Variants in SGMS1 observed in about 807,000 individuals in gnomAD.
SGMS1 encodes phosphatidylcholine:ceramide cholinephosphotransferase 1.
Under a neutral mutation model 46.2 loss-of-function variants are expected in SGMS1, and 13 were observed. That is an observed-to-expected ratio of 0.28 (90% CI 0.18 to 0.45). The LOEUF is 0.45. SGMS1 is among the 20% of genes least tolerant of loss of function. The pLI, the probability that SGMS1 is intolerant of heterozygous loss-of-function variation, is 1.00. For missense variants in SGMS1, 324 were observed against 519.9 expected, an observed-to-expected ratio of 0.62 and a Z score of 3.66; for synonymous variants, 203 against 187.8, an observed-to-expected ratio of 1.08 and a Z score of -0.66.
chr10:50,549,970 T>C (rs1838134715), intron 2 of SGMS1, among the ~76,000 whole-genome samples: 1 of 152,132 alleles, frequency 6.6e-6, no homozygotes, highest in African/African-American at 2.4e-5. Flanking sequence ...AACCACCATC[T>C]AAAAAAGATA....
At chr10:50,438,087 G>A (rs7099450) in intron 5 of SGMS1, among the ~76,000 whole-genome samples, 44,918 of 152,070 alleles carry the variant, frequency 0.3, 7,227 homozygotes, top group East Asian at 0.64. Flanking sequence ...TTAAGTAGGA[G>A]AATGGACAGA....
At chr10:50,360,804 T>C (rs1848234676) in intron 6 of SGMS1, among the ~76,000 whole-genome samples, 1 of 152,222 alleles carries the variant, frequency 6.6e-6, no homozygotes, top group Admixed American at 6.5e-5. Context: ...CTTCCTATCT[T>C]TTTCAAAATG....
chr10:50,511,983 C>T (rs900646899), intron 3 of SGMS1, among the ~76,000 whole-genome samples: 7 of 152,288 alleles, frequency 4.6e-5, no homozygotes, highest in African/African-American at 7.2e-5. Flanking sequence ...TCAGCTCCCA[C>T]GCACACAGTA....
At chr10:50,456,776 A>G (rs905042369) in intron 5 of SGMS1, among the ~76,000 whole-genome samples, 7 of 152,232 alleles carry the variant, frequency 4.6e-5, no homozygotes, top group African/African-American at 1.7e-4. Context: ...CCTGCAAATC[A>G]GGATTTGAGA....
intron 3 of SGMS1, among the ~76,000 whole-genome samples, chr10:50,470,815 A>G (rs1479897341): frequency 1.3e-5 from 2 of 152,186 alleles, no homozygotes; most frequent in African/African-American, 4.8e-5. Context: ...AAAACAAAAA[A>G]TAAAAAAGAC....
chr10:50,588,382 G>A (rs531484151), intron 2 of SGMS1, among the ~76,000 whole-genome samples: 29 of 152,270 alleles, frequency 1.9e-4, no homozygotes, highest in Middle Eastern at 3.4e-3. Context: ...GGAAGATACC[G>A]TAAATAAATA....
intron 7 of SGMS1, among the ~76,000 whole-genome samples, chr10:50,338,971 C>T (rs912612977): frequency 2.6e-5 from 4 of 152,190 alleles, no homozygotes; most frequent in African/African-American, 9.7e-5. Flanking sequence ...CTCTCAGCCT[C>T]AGGTGATCCA....
At chr10:50,359,524 AAATAT>A (rs1243665316) in intron 6 of SGMS1, among the ~76,000 whole-genome samples, 3 of 152,208 alleles carry the variant, frequency 2.0e-5, no homozygotes, top group African/African-American at 7.2e-5. Context: ...TGAGGATATG[AAATAT>A]AATACTGTTT....
intron 6 of SGMS1, among the ~76,000 whole-genome samples, chr10:50,345,482 C>A (rs1257728212): frequency 6.6e-6 from 1 of 151,980 alleles, no homozygotes; most frequent in East Asian, 1.9e-4. Flanking sequence ...GTGAAAATAA[C>A]CAAATGCACA....
rs1210446007 is a variant in SGMS1, at chr10:50,434,051, A to G, written c.-312-495T>C. 2.0e-5 allele frequency among the ~76,000 whole-genome samples: 3 copies of G among 152,238 alleles called. No homozygotes were observed. In the East Asian group the frequency reaches 5.8e-4, roughly 29 times the overall value. ...CCAACAAAGGCATTATACCAGAACT[A>G]TGGACACCTAATGCTTAATGATCAG... On this transcript the variant is annotated intron_variant, in intron 5 of 10. Transcript: ENST00000361781.
At chr10:50,374,436 C>A (rs1229740935) in intron 6 of SGMS1, among the ~76,000 whole-genome samples, 1 of 148,394 alleles carries the variant, frequency 6.7e-6, no homozygotes, top group African/African-American at 2.5e-5. Context: ...GTGCTCCCCC[C>A]ACCCCCACCC....
At chr10:50,330,531 G>A (rs1269227351) in intron 7 of SGMS1, among the ~76,000 whole-genome samples, 1 of 152,072 alleles carries the variant, frequency 6.6e-6, no homozygotes, top group Non-Finnish European at 1.5e-5. Flanking sequence ...TACTATAGTG[G>A]AAAGTAAAAC....
intron 5 of SGMS1, among the ~76,000 whole-genome samples, chr10:50,456,944 T>C (rs1410929580): frequency 1.3e-5 from 2 of 152,240 alleles, no homozygotes; most frequent in Admixed American, 6.5e-5. Flanking sequence ...GTCAGGTTCA[T>C]TGCATGATGT....
chr10:50,570,130 T>C (rs1688796223), intron 2 of SGMS1, among the ~76,000 whole-genome samples: 1 of 152,188 alleles, frequency 6.6e-6, no homozygotes, highest in African/African-American at 2.4e-5. Context: ...AGCTTCTTAT[T>C]CCCCGAGCAA....
At chr10:50,328,569 T>C (rs1847566331) in intron 7 of SGMS1, among the ~76,000 whole-genome samples, 1 of 152,230 alleles carries the variant, frequency 6.6e-6, no homozygotes. Flanking sequence ...CATACAATTA[T>C]ACTAGCATTT....
At chr10:50,570,592 A>T (rs10763550) in intron 2 of SGMS1, among the ~76,000 whole-genome samples, 31,535 of 152,132 alleles carry the variant, frequency 0.21, 4,298 homozygotes, top group East Asian at 0.64. Context: ...TGCCCTATTA[A>T]GGTCCTAATA....
At chr10:50,389,259 A>G (rs1848730875) in intron 6 of SGMS1, among the ~76,000 whole-genome samples, 1 of 152,220 alleles carries the variant, frequency 6.6e-6, no homozygotes, top group Non-Finnish European at 1.5e-5. Flanking sequence ...TTTTATGTTT[A>G]TAGTTTACCT....
chr10:50,624,638 A>ACCCGGAGAGCGGCTAGG, upstream of SGMS1: 1 of 985,314 alleles, frequency 1.0e-6, no homozygotes, highest in South Asian at 4.7e-5. Flanking sequence ...TGCGGCGAAA[A>ACCCGGAGAGCGGCTAGG]CCCGGAGAGC....
chr10:50,355,973 A>G (rs918806243), intron 6 of SGMS1, among the ~76,000 whole-genome samples: 1 of 151,282 alleles, frequency 6.6e-6, no homozygotes, highest in Non-Finnish European at 1.5e-5. Context: ...GCCCCGTCTG[A>G]GAAGTGAGGA....
Sources: gnomAD v4.1 joint callset for allele counts (sites outside exome capture counted in the v4.1 genomes callset) on GRCh38, gnomAD v4.1.1 for gene constraint, MANE v1.5 for transcripts, NCBI Gene and HGNC (gene_info 2026-07-23, HGNC 2026-07-21) for gene names.